The following ROBO2 variants were observed in gnomAD, a reference collection of about 807,000 sequenced individuals.
ROBO2 encodes the protein roundabout homolog 2.
In ROBO2, 53 loss-of-function variants were observed where a neutral mutation model predicts 160.8. That is an observed-to-expected ratio of 0.33 (90% CI 0.26 to 0.41). The LOEUF (loss-of-function observed/expected upper bound fraction) is 0.41. Ranked by LOEUF, ROBO2 falls within the 10% of genes least tolerant of loss-of-function variation. ROBO2 has a pLI of 1.00. For missense variants in ROBO2, 1,577 were observed against 1,722.4 expected, an observed-to-expected ratio of 0.92 and a Z score of 1.49; for synonymous variants, 664 against 611.7, an observed-to-expected ratio of 1.09 and a Z score of -1.26.
chr3:77,431,461 C>G, intron 2 of ROBO2, among the ~76,000 whole-genome samples: 1 of 152,074 alleles, frequency 6.6e-6, no homozygotes, highest in East Asian at 1.9e-4. Flanking sequence ...TCAAGTCAAC[C>G]ACAGTTCAAA....
At chr3:77,466,102 A>C (rs1429640673) in intron 2 of ROBO2, among the ~76,000 whole-genome samples, 1 of 152,182 alleles carries the variant, frequency 6.6e-6, no homozygotes, top group Admixed American at 6.5e-5. Context: ...GGGATAGAGT[A>C]GAAAAGTGAT....
At chr3:76,715,637 A>G (rs2093367302) in intron 2 of ROBO2, among the ~76,000 whole-genome samples, 1 of 152,208 alleles carries the variant, frequency 6.6e-6, no homozygotes, top group African/African-American at 2.4e-5. Context: ...TGTGTTGTGC[A>G]TTGCAATAAA....
At chr3:76,109,412 C>G (rs2070113047) in intron 2 of ROBO2, among the ~76,000 whole-genome samples, 1 of 151,918 alleles carries the variant, frequency 6.6e-6, no homozygotes, top group Non-Finnish European at 1.5e-5. Flanking sequence ...TCAGGTACCA[C>G]TACTACTAAT....
intron 2 of ROBO2, among the ~76,000 whole-genome samples, chr3:77,355,479 T>C (rs1402676380): frequency 1.3e-5 from 2 of 152,028 alleles, no homozygotes; most frequent in Non-Finnish European, 2.9e-5. Context: ...AGTGGGGTTG[T>C]GAAGAGGTGA....
At chr3:77,276,105 T>C (rs2059805790) in intron 2 of ROBO2, among the ~76,000 whole-genome samples, 1 of 152,040 alleles carries the variant, frequency 6.6e-6, no homozygotes, top group Admixed American at 6.6e-5. Context: ...AACCACCTTA[T>C]AGAAAAGTCA....
intron 2 of ROBO2, among the ~76,000 whole-genome samples, chr3:76,396,580 T>C (rs1054871504): frequency 6.6e-6 from 1 of 152,120 alleles, no homozygotes; most frequent in African/African-American, 2.4e-5. Flanking sequence ...AACCCCATTG[T>C]CTCAGCCCAA....
chr3:76,616,828 C>G (rs924804399), intron 2 of ROBO2, among the ~76,000 whole-genome samples: 9 of 152,098 alleles, frequency 5.9e-5, no homozygotes, highest in Non-Finnish European at 1.0e-4. Flanking sequence ...TAGGTGCAAT[C>G]ATAGTGCACT....
intron 2 of ROBO2, among the ~76,000 whole-genome samples, chr3:76,037,142 A>G (rs2067135340): frequency 6.6e-6 from 1 of 151,988 alleles, no homozygotes. Context: ...ATCCTATTAA[A>G]TAATTCAGAA....
At chr3:76,305,033 G>A (rs974197544) in intron 2 of ROBO2, among the ~76,000 whole-genome samples, 6 of 151,850 alleles carry the variant, frequency 4.0e-5, no homozygotes, top group African/African-American at 1.2e-4. Context: ...ATATAAATAG[G>A]ATATTTTACA....
intron 2 of ROBO2, among the ~76,000 whole-genome samples, chr3:76,986,445 G>A (rs2060385515): frequency 1.3e-5 from 2 of 151,932 alleles, no homozygotes; most frequent in African/African-American, 2.4e-5. Context: ...GTAAACACAG[G>A]TAACCGTGTC....
At chr3:76,487,316 T>G (rs2079553438) in intron 2 of ROBO2, among the ~76,000 whole-genome samples, 1 of 151,964 alleles carries the variant, frequency 6.6e-6, no homozygotes, top group Non-Finnish European at 1.5e-5. Flanking sequence ...TCCCGTCACA[T>G]CCTTTTTATG....
intron 2 of ROBO2, among the ~76,000 whole-genome samples, chr3:76,097,415 T>G (rs2069498929): frequency 6.6e-6 from 1 of 152,136 alleles, no homozygotes; most frequent in Non-Finnish European, 1.5e-5. Context: ...GCTGGCCAGC[T>G]GTGGTTCATT....
intron 2 of ROBO2, among the ~76,000 whole-genome samples, chr3:76,044,170 A>G (rs2067372709): frequency 6.6e-6 from 1 of 152,026 alleles, no homozygotes; most frequent in Admixed American, 6.5e-5. Context: ...CTGTTTTAAC[A>G]AGGGTAGATA....
At chr3:76,095,079 C>T (rs112897764) in intron 2 of ROBO2, among the ~76,000 whole-genome samples, 1 of 152,028 alleles carries the variant, frequency 6.6e-6, no homozygotes, top group Non-Finnish European at 1.5e-5. Context: ...GGAAGACACA[C>T]TAAAAAAGCT....
At chr3:77,075,009 C>A (rs1340738866) in intron 1 of ROBO2, among the ~76,000 whole-genome samples, 3 of 152,082 alleles carry the variant, frequency 2.0e-5, no homozygotes, top group African/African-American at 7.2e-5. Flanking sequence ...AATTTTGTAG[C>A]TGGAAAGTTG....
chr3:76,733,690 A>G (rs537200857), intron 2 of ROBO2, among the ~76,000 whole-genome samples: 16 of 152,364 alleles, frequency 1.1e-4, no homozygotes, highest in Non-Finnish European at 2.2e-4. Context: ...CTCAGGAATT[A>G]TAAATATCAG....
intron 2 of ROBO2, among the ~76,000 whole-genome samples, chr3:76,887,309 T>C (rs541969378): frequency 1.6e-4 from 24 of 151,518 alleles, no homozygotes; most frequent in African/African-American, 5.8e-4. Context: ...CCTGATTTTA[T>C]TGATTCTCTG....
intron 2 of ROBO2, among the ~76,000 whole-genome samples, chr3:76,490,515 G>C (rs1165085201): frequency 2.0e-5 from 3 of 152,194 alleles, no homozygotes; most frequent in African/African-American, 2.4e-5. Flanking sequence ...CATTTTGCCA[G>C]AAGGAAGCAC....
At chr3:76,028,939 G>A (rs2066829866) in intron 2 of ROBO2, among the ~76,000 whole-genome samples, 1 of 151,930 alleles carries the variant, frequency 6.6e-6, no homozygotes, top group African/African-American at 2.4e-5. Context: ...CTATTTTGGG[G>A]GCTAGTTCCT....
Sources: gnomAD v4.1 joint callset for allele counts (sites outside exome capture counted in the v4.1 genomes callset) on GRCh38, gnomAD v4.1.1 for gene constraint, MANE v1.5 for transcripts, NCBI Gene and HGNC (gene_info 2026-07-23, HGNC 2026-07-21) for gene names.